The following CNOT4 variants were observed in gnomAD, a reference collection of about 807,000 sequenced individuals.
The protein encoded by CNOT4 is CCR4-associated factor 4.
A neutral mutation model predicts 73.8 loss-of-function variants in CNOT4; 8 were observed. That is an observed-to-expected ratio of 0.11 (90% confidence interval 0.06 to 0.20). The LOEUF (loss-of-function observed/expected upper bound fraction) is 0.20, where lower values mean the gene tolerates loss of function less well. Among genes scored for constraint, CNOT4 ranks in the 10% least tolerant of loss-of-function variants. CNOT4 has a pLI of 1.00. For missense variants in CNOT4, 564 were observed against 883.4 expected (o/e 0.64, Z 4.58); for synonymous variants, 293 against 321.1 (o/e 0.91, Z 0.94).
At chr7:135,424,040 AACAC>A (rs3138785) in intron 2 of CNOT4, among the ~76,000 whole-genome samples, 6,542 of 144,096 alleles carry the variant, frequency 0.045, 185 homozygotes, top group South Asian at 0.054. Context: ...AAACAAACAA[AACAC>A]ACACACACAC....
At chr7:135,462,064 TA>T (rs201086263) in intron 1 of CNOT4, among the ~76,000 whole-genome samples, 16 of 144,498 alleles carry the variant, frequency 1.1e-4, no homozygotes, top group Admixed American at 2.1e-4. Flanking sequence ...TATTCCCTTA[TA>T]AAAAAAAATC....
intron 1 of CNOT4, among the ~76,000 whole-genome samples, chr7:135,464,490 C>T (rs1267828001): frequency 6.6e-6 from 1 of 152,052 alleles, no homozygotes; most frequent in South Asian, 2.1e-4. Flanking sequence ...TGATAAAAAA[C>T]TTATGAATAC....
At chr7:135,505,411 G>T (rs1166767382) in intron 1 of CNOT4, among the ~76,000 whole-genome samples, 1 of 152,158 alleles carries the variant, frequency 6.6e-6, no homozygotes, top group Non-Finnish European at 1.5e-5. Context: ...AATTAGCTGA[G>T]TGTGGTGGCG....
intron 10 of CNOT4, among the ~76,000 whole-genome samples, chr7:135,389,222 G>A (rs1391544305): frequency 7.1e-6 from 1 of 141,424 alleles, no homozygotes; most frequent in Non-Finnish European, 1.5e-5. Context: ...GACCCTTATA[G>A]ATACTCCTAG....
chr7:135,489,344 T>G (rs559817612), intron 1 of CNOT4, among the ~76,000 whole-genome samples: 1 of 151,484 alleles, frequency 6.6e-6, no homozygotes, highest in South Asian at 2.1e-4. Context: ...CTAACTCCAG[T>G]GTGTATTTTG....
chr7:135,399,528 C>T (rs898713754), intron 7 of CNOT4, among the ~76,000 whole-genome samples: 3 of 151,976 alleles, frequency 2.0e-5, no homozygotes, highest in South Asian at 2.1e-4. Context: ...ACATGACTAT[C>T]GTTACTCAAA....
chr7:135,376,373 TA>T (rs1795522781), intron 10 of CNOT4, among the ~76,000 whole-genome samples: 2 of 152,232 alleles, frequency 1.3e-5, no homozygotes, highest in South Asian at 4.1e-4. Flanking sequence ...TTTTAATTTT[TA>T]TTTTTTTAAG....
chr7:135,379,789 A>C (rs1004537846), intron 10 of CNOT4, among the ~76,000 whole-genome samples: 2 of 152,200 alleles, frequency 1.3e-5, no homozygotes, highest in African/African-American at 4.8e-5. Flanking sequence ...AGATGTAATA[A>C]AGGAAAAAAA....
chr7:135,393,069 A>C (rs1211029125), intron 10 of CNOT4, among the ~76,000 whole-genome samples: 1 of 152,186 alleles, frequency 6.6e-6, no homozygotes, highest in Admixed American at 6.5e-5. Context: ...TGAGAGAATC[A>C]GGAGAGGAAC....
At chr7:135,433,485 T>C (rs1054061012) in intron 2 of CNOT4, among the ~76,000 whole-genome samples, 138 of 150,768 alleles carry the variant, frequency 9.2e-4, no homozygotes, top group African/African-American at 3.3e-3. Context: ...GCCTCCCGAG[T>C]AGCTGGGACT....
At chr7:135,444,528 G>A in intron 1 of CNOT4, 1 of 1,170,292 alleles carries the variant, frequency 8.5e-7, no homozygotes, top group Non-Finnish European at 1.3e-6. Flanking sequence ...AACGCCAGTG[G>A]TCAGACCTGC....
intron 2 of CNOT4, among the ~76,000 whole-genome samples, chr7:135,437,633 G>A (rs1346490170): frequency 6.6e-6 from 1 of 152,108 alleles, no homozygotes; most frequent in Non-Finnish European, 1.5e-5. Context: ...TGTAAAATGG[G>A]AATATCAATA....
chr7:135,433,673 G>A (rs1274975922), intron 2 of CNOT4, among the ~76,000 whole-genome samples: 1 of 151,846 alleles, frequency 6.6e-6, no homozygotes, highest in Admixed American at 6.6e-5. Context: ...TCCTGTTTTT[G>A]TTTCATAGAT....
chr7:135,414,664 A>G (rs1797753848), intron 4 of CNOT4, among the ~76,000 whole-genome samples: 1 of 152,072 alleles, frequency 6.6e-6, no homozygotes, highest in Non-Finnish European at 1.5e-5. Flanking sequence ...TGTGAATAAA[A>G]TATTACTTTG....
At chr7:135,495,694 G>A (rs1056571015) in intron 1 of CNOT4, among the ~76,000 whole-genome samples, 147 of 11,312 alleles carry the variant, frequency 0.013, 2 homozygotes, top group Admixed American at 0.017. Flanking sequence ...AAAAAAAAAA[G>A]AAAGAAAGAA....
At chr7:135,406,528 A>G (rs1487176249) in intron 7 of CNOT4, among the ~76,000 whole-genome samples, 3 of 151,906 alleles carry the variant, frequency 2.0e-5, no homozygotes, top group African/African-American at 2.4e-5. Context: ...GGGTGTGTTG[A>G]TGTGCACCTG....
chr7:135,432,524 C>G (rs1798906935), intron 2 of CNOT4, among the ~76,000 whole-genome samples: 1 of 152,136 alleles, frequency 6.6e-6, no homozygotes, highest in African/African-American at 2.4e-5. Flanking sequence ...TTAATTTTAT[C>G]TTTTTCTACA....
chr7:135,387,306 A>G (rs1796169040), intron 10 of CNOT4: 3 of 985,228 alleles, frequency 3.0e-6, no homozygotes, highest in Non-Finnish European at 3.6e-6. Flanking sequence ...CGCTGCTTCT[A>G]CAGCCTCAGT....
At chr7:135,472,355 T>C (rs561305996) in intron 1 of CNOT4, among the ~76,000 whole-genome samples, 200 of 147,798 alleles carry the variant, frequency 1.4e-3, no homozygotes, top group Non-Finnish European at 2.5e-3. Flanking sequence ...CGGGCACCTG[T>C]AGTCCCAGCT....
Sources: gnomAD v4.1 joint callset for allele counts (sites outside exome capture counted in the v4.1 genomes callset) on GRCh38, gnomAD v4.1.1 for gene constraint, MANE v1.5 for transcripts, NCBI Gene and HGNC (gene_info 2026-07-23, HGNC 2026-07-21) for gene names.